Variants in HSP90AA1 observed in about 807,000 individuals in gnomAD.
The protein encoded by HSP90AA1 is heat shock protein 90 alpha family class A member 1, also known as heat shock protein HSP 90-alpha.
HSP90AA1 carries 18 observed loss-of-function variants against 73.3 expected under a neutral mutation model. That is an observed-to-expected ratio of 0.25 (90% CI 0.17 to 0.36). The LOEUF is 0.36. Ranked by LOEUF, HSP90AA1 falls within the 10% of genes least tolerant of loss-of-function variation. The pLI is 1.00. For synonymous variants in HSP90AA1, 477 were observed against 296.9 expected (o/e 1.61, Z -6.24); for missense variants, 704 against 874.2 (o/e 0.81, Z 2.45).
At chr14:102,137,602 T>C (rs956144099) in intron 1 of HSP90AA1, among the ~76,000 whole-genome samples, 3 of 151,962 alleles carry the variant, frequency 2.0e-5, no homozygotes, top group African/African-American at 7.2e-5. Flanking sequence ...GGATTACAGG[T>C]GTGAGCCAAC....
chr14:102,101,524 G>C (rs951969187), intron 2 of HSP90AA1, among the ~76,000 whole-genome samples: 1 of 152,216 alleles, frequency 6.6e-6, no homozygotes, highest in Non-Finnish European at 1.5e-5. Flanking sequence ...TGTCCTCCGT[G>C]AGTGGGTGCT....
intron 1 of HSP90AA1, among the ~76,000 whole-genome samples, chr14:102,135,549 C>T (rs2049979830): frequency 6.6e-6 from 1 of 152,270 alleles, no homozygotes. Flanking sequence ...GGACTGGGCG[C>T]CGTGGAGCAG....
intron 2 of HSP90AA1, among the ~76,000 whole-genome samples, chr14:102,094,620 C>T (rs1407031418): frequency 6.6e-6 from 1 of 152,038 alleles, no homozygotes; most frequent in Non-Finnish European, 1.5e-5. Flanking sequence ...TAGGAGTTAG[C>T]CAGGGAACAG....
chr14:102,129,651 C>T (rs753331352), intron 1 of HSP90AA1, among the ~76,000 whole-genome samples: 5 of 151,796 alleles, frequency 3.3e-5, no homozygotes, highest in South Asian at 4.2e-4. Context: ...TACAGGTGCA[C>T]GCCACCATTC....
chr14:102,120,310 G>A (rs542565526), intron 1 of HSP90AA1, among the ~76,000 whole-genome samples: 1 of 152,230 alleles, frequency 6.6e-6, no homozygotes, highest in Non-Finnish European at 1.5e-5. Context: ...AGTGAGCTGT[G>A]ATCATGCCAC....
chr14:102,132,183 A>G (rs1255424688), intron 1 of HSP90AA1, among the ~76,000 whole-genome samples: 1 of 152,142 alleles, frequency 6.6e-6, no homozygotes, highest in Non-Finnish European at 1.5e-5. Context: ...CCTGGCCAAC[A>G]TGGTGAAACC....
chr14:102,123,973 A>T (rs1258238564), intron 1 of HSP90AA1, among the ~76,000 whole-genome samples: 1 of 151,374 alleles, frequency 6.6e-6, no homozygotes, highest in East Asian at 2.0e-4. Context: ...GTTAATCTTT[A>T]AATTTTCTGA....
Position 102,123,623 on chromosome 14 carries a change from G to A in HSP90AA1, c.155+15627C>T, listed in dbSNP as rs538779632. ...ACTCCTAGCCTCAAGGGATCCTCCC[G>A]CCTTGGTCTCCTACAGTACTAGGAT... is the stretch of plus-strand genomic sequence containing the variant. On this transcript the variant is annotated intron_variant, in intron 1 of 11. Coordinates refer to the HSP90AA1 transcript ENST00000334701. 1.1e-4 allele frequency among the ~76,000 whole-genome samples: 16 copies of A among 150,258 alleles called. No individual in the cohort carries two copies. The South Asian group carries it at 1.9e-3, about 18-fold the overall frequency.
chr14:102,081,540 C>T lies in HSP90AA1; in HGVS notation c.*172G>A, dbSNP rs575335984. ...AGCATTACTAGCTCTGCTTTAGTGC[C>T]TAAGGTATCACAGCATCACTTAGTA... is the stretch of plus-strand genomic sequence containing the variant. On this transcript the variant is annotated 3_prime_UTR_variant, in exon 11 of 11. Transcript: ENST00000216281. The T allele has an allele frequency of 3.2e-6, 2 of 625,908 alleles. No homozygotes were observed. The highest frequency in any genetic ancestry group is 2.7e-5 in the East Asian group (1 of 36,682). The allele number at this position is 625,908 out of a possible 1,614,324, so 38.8% of individuals were successfully genotyped here.
chr14:102,082,536 G>T (rs369480399), intron 9 of HSP90AA1, 92 bp from the exon 10 acceptor site: 1 of 908,038 alleles, frequency 1.1e-6, no homozygotes, highest in Admixed American at 2.0e-5. Context: ...AATTTCAATA[G>T]ATCCAAAATA....
intron 1 of HSP90AA1, among the ~76,000 whole-genome samples, chr14:102,126,009 G>T (rs2049834598): frequency 1.3e-5 from 2 of 152,162 alleles, no homozygotes; most frequent in African/African-American, 4.8e-5. Context: ...ATTAGAAATT[G>T]TGCTAAGTGC....
At chr14:102,097,379 G>A (rs1358793527) in intron 2 of HSP90AA1, among the ~76,000 whole-genome samples, 1 of 151,478 alleles carries the variant, frequency 6.6e-6, no homozygotes, top group Admixed American at 6.6e-5. Context: ...GAGAGAGCCA[G>A]GGATTGTGGA....
At chr14:102,105,720 C>A (rs2049559085) in intron 1 of HSP90AA1, among the ~76,000 whole-genome samples, 2 of 152,104 alleles carry the variant, frequency 1.3e-5, no homozygotes, top group Admixed American at 1.3e-4. Context: ...TTAGGTAGAT[C>A]TTCATGGCTG....
intron 1 of HSP90AA1, among the ~76,000 whole-genome samples, chr14:102,134,814 G>A (rs116045493): frequency 0.018 from 2,699 of 152,266 alleles, 86 homozygotes; most frequent in African/African-American, 0.062. Context: ...CTTCTACAGT[G>A]CGGAAGTGAA....
Position 102,083,949 on chromosome 14 carries a change from G to C in HSP90AA1, c.1182C>G (p.Leu394=), listed in dbSNP as rs1183426744. 6.2e-7 allele frequency: 1 copy of C among 1,613,928 alleles called. No individual in the cohort carries two copies. Among genetic ancestry groups the C allele is most frequent in the South Asian group, 1.1e-5 (1 of 91,074 alleles). ...FIRGVVDSED[L]PLNISREMLQ... ...ACATCTCACGGGATATGTTTAGAGG[G>C]AGATCCTCCGAGTCTACCACCCCTC... The change falls in exon 7 of 11, where the codon CTC becomes CTG. Residue 394 remains leucine (L), a synonymous_variant. Coordinates refer to ENST00000216281, the MANE Select transcript of HSP90AA1 (RefSeq NM_005348.4).
At chr14:102,094,715 G>T (rs893841254) in intron 2 of HSP90AA1, among the ~76,000 whole-genome samples, 5 of 152,242 alleles carry the variant, frequency 3.3e-5, no homozygotes, top group Admixed American at 1.3e-4. Context: ...CCCTCTTGGG[G>T]CAGGGGTTGG....
intron 1 of HSP90AA1, among the ~76,000 whole-genome samples, chr14:102,126,980 C>G (rs980389306): frequency 2.0e-5 from 3 of 152,008 alleles, no homozygotes; most frequent in Non-Finnish European, 4.4e-5. Flanking sequence ...CACTGTTTTA[C>G]TGGCTGCTTC....
chr14:102,122,016 C>A (rs1399632468), intron 1 of HSP90AA1, among the ~76,000 whole-genome samples: 1 of 152,082 alleles, frequency 6.6e-6, no homozygotes, highest in Non-Finnish European at 1.5e-5. Context: ...TTTAGAAAAG[C>A]TTTCCTCACT....
intron 1 of HSP90AA1, among the ~76,000 whole-genome samples, chr14:102,117,554 C>A (rs2049722905): frequency 6.6e-6 from 1 of 152,024 alleles, no homozygotes; most frequent in Admixed American, 6.6e-5. Flanking sequence ...TTGCTAGGAG[C>A]TGAACACCCC....
Sources: gnomAD v4.1 joint callset for allele counts (sites outside exome capture counted in the v4.1 genomes callset) on GRCh38, gnomAD v4.1.1 for gene constraint, MANE v1.5 for transcripts, NCBI Gene and HGNC (gene_info 2026-07-23, HGNC 2026-07-21) for gene names.